SRGAP2: variants seen among roughly 807,000 people sequenced by gnomAD.
SRGAP2 encodes SLIT-ROBO Rho GTPase-activating protein 2.
A neutral mutation model predicts 57.2 loss-of-function variants in SRGAP2; 15 were observed. That is an observed-to-expected ratio of 0.26 (90% CI 0.18 to 0.40). SRGAP2 has a LOEUF of 0.40. SRGAP2 is among the 10% of genes least tolerant of loss of function. The probability of loss-of-function intolerance (pLI) is 1.00; values close to 1 mark genes in which losing one functional copy is unlikely to be tolerated. For synonymous variants in SRGAP2, 249 were observed against 248.0 expected, an observed-to-expected ratio of 1.00 and a Z score of -0.04; for missense variants, 520 against 669.6, an observed-to-expected ratio of 0.78 and a Z score of 2.47.
rs1243478982 is a variant in SRGAP2 at position 206,266,478 on chromosome 1, G to A, written c.68-36803G>A. On this transcript the variant is annotated intron_variant, in intron 2 of 22. Transcript: ENST00000573034. Reference sequence around the variant, plus strand: ...GGATGGTCTTGGACTCCTGACCTCAGGTGATCCTCCCGCCTCTGACTCCCA... The same window carrying A: ...GGATGGTCTTGGACTCCTGACCTCAAGTGATCCTCCCGCCTCTGACTCCCA... Among the ~76,000 whole-genome samples the A allele has an allele frequency of 2.0e-5, 3 of 152,122 alleles. No individual in the cohort carries two copies. In the East Asian group the frequency reaches 5.8e-4, roughly 29 times the overall value.
chr1:206,303,222 A>G, intron 2 of SRGAP2, 59 bp from the exon 3 acceptor site: 4 of 1,227,562 alleles, frequency 3.3e-6, no homozygotes, highest in Non-Finnish European at 4.4e-6. Flanking sequence ...GAATATTGGC[A>G]TGCATGGTGG....
At chr1:206,291,026 CAG>C (rs1335465395) in intron 2 of SRGAP2, among the ~76,000 whole-genome samples, 3 of 151,242 alleles carry the variant, frequency 2.0e-5, no homozygotes, top group African/African-American at 7.4e-5. Context: ...CCTAAACATT[CAG>C]AGTTAAGACA....
At chr1:206,430,301 A>G in intron 14 of SRGAP2, 79 bp downstream of exon 14, 1 of 760,050 alleles carries the variant, frequency 1.3e-6, no homozygotes, top group East Asian at 2.5e-5. Flanking sequence ...GAGTAAGAAT[A>G]GAGATTGACT....
chr1:206,263,671 ATTGAGTATTTAACTTTGTGCTG>A lies in SRGAP2; in HGVS notation c.68-39609_68-39588del, dbSNP rs538653175. Among the ~76,000 whole-genome samples, 344 of 152,210 alleles carry A rather than the reference ATTGAGTATTTAACTTTGTGCTG, an allele frequency of 2.3e-3. 2 individuals are homozygous for A. In the East Asian group the frequency reaches 0.028, roughly 12 times the overall value. The stretch of plus-strand genomic sequence containing the variant: ...CTTAATAGTCATTTAATACATATGT[ATTGAGTATTTAACTTTGTGCTG>A]GGCACTGTTAGGTTGGGTATATAAC... On this transcript the variant is annotated intron_variant, in intron 2 of 22. Transcript: ENST00000573034.
intron 13 of SRGAP2, among the ~76,000 whole-genome samples, chr1:206,429,688 G>T (rs73074884): frequency 0.016 from 2,507 of 152,274 alleles, 73 homozygotes; most frequent in African/African-American, 0.055. Flanking sequence ...GTAATGAGAG[G>T]TCTTTGAAAG....
chr1:206,347,531 C>A (rs1424333848), intron 4 of SRGAP2, among the ~76,000 whole-genome samples: 14 of 150,232 alleles, frequency 9.3e-5, no homozygotes, highest in Non-Finnish European at 1.9e-4. Context: ...GAGCAGAGAT[C>A]ATGCTGTTGC....
intron 22 of SRGAP2, among the ~76,000 whole-genome samples, 184 bp downstream of exon 22, chr1:206,459,131 C>G (rs781888063): frequency 6.6e-6 from 1 of 152,218 alleles, no homozygotes; most frequent in African/African-American, 2.4e-5. Context: ...GCCTGTCCCT[C>G]TCTCCCCAGG....
In SRGAP2 at chr1:206,372,968, T is replaced by TCTTTCTTTCTTTC. The variant is rs1654767189; in HGVS notation, c.424-11045_424-11033dup. ...CTTTCTTTCTTTCTTTTCTTTCCTT[T>TCTTTCTTTCTTTC]CTTTCTTTCTTTCTTTCTTTCTTTC... On this transcript the variant is annotated intron_variant, in intron 4 of 22. Coordinates refer to ENST00000573034, the MANE Select transcript of SRGAP2 (RefSeq NM_015326.5). Among the ~76,000 whole-genome samples, 3 of 17,270 alleles carry TCTTTCTTTCTTTC rather than the reference T, an allele frequency of 1.7e-4. 1 individual carries two copies. Among genetic ancestry groups the TCTTTCTTTCTTTC allele is most frequent in the African/African-American group, 2.5e-4 (1 of 3,988 alleles). 11.3% of individuals were successfully genotyped at this position (17,270 alleles called of 152,430 possible).
At chr1:206,426,706 C>T (rs1660830276) in intron 13 of SRGAP2, among the ~76,000 whole-genome samples, 1 of 152,136 alleles carries the variant, frequency 6.6e-6, no homozygotes, top group Admixed American at 6.5e-5. Flanking sequence ...ATTTGCATTT[C>T]TTATGATTAG....
intron 13 of SRGAP2, among the ~76,000 whole-genome samples, chr1:206,427,637 AG>A (rs782022869): frequency 6.6e-6 from 1 of 151,666 alleles, no homozygotes; most frequent in Non-Finnish European, 1.5e-5. Context: ...ATTCAGAGCC[AG>A]GGGGGGGATC....
chr1:206,234,265 T>C (rs1259796660), intron 2 of SRGAP2, among the ~76,000 whole-genome samples: 2 of 149,174 alleles, frequency 1.3e-5, no homozygotes, highest in East Asian at 4.0e-4. Flanking sequence ...CAAATTTTTC[T>C]GGCTTTGCTG....
At chr1:206,269,054 A>G (rs1670051547) in intron 2 of SRGAP2, among the ~76,000 whole-genome samples, 2 of 147,650 alleles carry the variant, frequency 1.4e-5, no homozygotes, top group Non-Finnish European at 3.0e-5. Flanking sequence ...GTTAATTATA[A>G]GACCCAAATA....
At chr1:206,283,786 T>C (rs1244213046) in intron 2 of SRGAP2, among the ~76,000 whole-genome samples, 1 of 144,134 alleles carries the variant, frequency 6.9e-6, no homozygotes, top group Non-Finnish European at 1.5e-5. Context: ...CAAATTTATG[T>C]AAAATATTTT....
intron 10 of SRGAP2, among the ~76,000 whole-genome samples, chr1:206,415,571 G>A (rs1346969622): frequency 6.6e-6 from 1 of 152,180 alleles, no homozygotes; most frequent in African/African-American, 2.4e-5. Flanking sequence ...ACACCAAGAA[G>A]ACCAGGGCTC....
At chr1:206,240,393 G>T (rs1445072435) in intron 2 of SRGAP2, among the ~76,000 whole-genome samples, 2 of 152,112 alleles carry the variant, frequency 1.3e-5, no homozygotes, top group Non-Finnish European at 2.9e-5. Flanking sequence ...TTTTGAGCAT[G>T]TCTGTGTAAA....
chr1:206,453,546 C>T, intron 20 of SRGAP2, 166 bp downstream of exon 20: 2 of 373,598 alleles, frequency 5.4e-6, no homozygotes, highest in Non-Finnish European at 9.5e-6. Flanking sequence ...CACCCCCCGC[C>T]CCACTCCCTG....
At chr1:206,411,435 A>T (rs1463932367) in intron 10 of SRGAP2, among the ~76,000 whole-genome samples, 4 of 152,198 alleles carry the variant, frequency 2.6e-5, no homozygotes, top group Non-Finnish European at 5.9e-5. Context: ...AAATGAGTGA[A>T]TGCCCCTGTG....
At chr1:206,209,213 G>T (rs1666152440) in intron 2 of SRGAP2, among the ~76,000 whole-genome samples, 1 of 145,714 alleles carries the variant, frequency 6.9e-6, no homozygotes, top group Admixed American at 6.7e-5. Flanking sequence ...AAACATCTTG[G>T]GTCAGTCACT....
At chr1:206,257,305 G>T in intron 2 of SRGAP2, among the ~76,000 whole-genome samples, 1 of 82,934 alleles carries the variant, frequency 1.2e-5, no homozygotes, top group Non-Finnish European at 2.3e-5. Flanking sequence ...TTAAGTAGCA[G>T]GGACTACAAT....
Sources: allele counts gnomAD v4.1 joint callset (sites outside exome capture counted in the v4.1 genomes callset), GRCh38; gene constraint gnomAD v4.1.1; transcripts MANE v1.5; gene names NCBI Gene and HGNC (gene_info 2026-07-23, HGNC 2026-07-21).